The following ATF1 variants were observed in gnomAD, a reference collection of about 807,000 sequenced individuals.
The protein encoded by ATF1 is activating transcription factor 1.
In ATF1, 16 loss-of-function variants were observed where a neutral mutation model predicts 34.7. The ratio of observed to expected loss-of-function variants is 0.46; its 90% CI spans 0.31 to 0.70. The LOEUF (loss-of-function observed/expected upper bound fraction) is 0.70. Ranked by LOEUF, ATF1 falls within the 30% of genes least tolerant of loss-of-function variation. The probability of loss-of-function intolerance (pLI) is 0.05; values close to 1 mark genes in which losing one functional copy is unlikely to be tolerated. For synonymous variants in ATF1, 105 were observed against 113.1 expected, an observed-to-expected ratio of 0.93 and a Z score of 0.46; for missense variants, 255 against 321.6, an observed-to-expected ratio of 0.79 and a Z score of 1.58.
At chr12:50,815,121 C>CA (rs532857566) in intron 6 of ATF1, among the ~76,000 whole-genome samples, 49 of 147,374 alleles carry the variant, frequency 3.3e-4, no homozygotes, top group Middle Eastern at 3.5e-3. Context: ...GACTCTGTCT[C>CA]AAAAAAAAAA....
Position 50,783,845 on chromosome 12 carries a change from C to T in ATF1, c.93+3607C>T, listed in dbSNP as rs150655050. Among the ~76,000 whole-genome samples the T allele has an allele frequency of 5.3e-3, 721 of 135,652 alleles. 21 individuals are homozygous for T. The Admixed American group carries it at 0.053, about 10-fold the overall frequency. The allele number at this position is 135,652 out of a possible 152,430, so 89.0% of individuals were successfully genotyped here. Reference sequence around the variant, plus strand: ...TCATACCACTGTACTCCAGACTGGGCGACAGCGCAAAACTCCGTCTGAAAA... The same window carrying T: ...TCATACCACTGTACTCCAGACTGGGTGACAGCGCAAAACTCCGTCTGAAAA... On this transcript the variant is annotated intron_variant, in intron 2 of 6. Transcript: ENST00000262053.
At chr12:50,775,280 A>T (rs930556734) in intron 1 of ATF1, among the ~76,000 whole-genome samples, 3 of 151,852 alleles carry the variant, frequency 2.0e-5, no homozygotes, top group African/African-American at 4.8e-5. Flanking sequence ...TATTGTCTAA[A>T]ATGTTACTTG....
chr12:50,797,031 G>A (rs968853951), intron 3 of ATF1, among the ~76,000 whole-genome samples: 1 of 152,134 alleles, frequency 6.6e-6, no homozygotes, highest in East Asian at 1.9e-4. Flanking sequence ...GTTAATACCC[G>A]TAACTGAAGA....
intron 1 of ATF1, among the ~76,000 whole-genome samples, chr12:50,777,036 TAG>T (rs1382906433): frequency 6.6e-6 from 1 of 151,988 alleles, no homozygotes; most frequent in Non-Finnish European, 1.5e-5. Context: ...GTAATTTTAG[TAG>T]AGATGGGGTT....
intron 1 of ATF1, among the ~76,000 whole-genome samples, chr12:50,768,949 G>A (rs1396338889): frequency 6.6e-6 from 1 of 152,188 alleles, no homozygotes; most frequent in Non-Finnish European, 1.5e-5. Context: ...AGCTGTGCTG[G>A]AGAGTCAGCT....
chr12:50,808,102 G>A (rs1327072059), intron 3 of ATF1, among the ~76,000 whole-genome samples: 1 of 152,110 alleles, frequency 6.6e-6, no homozygotes. Flanking sequence ...CAGCCACTGT[G>A]CCCATCCCCA....
intron 4 of ATF1, among the ~76,000 whole-genome samples, chr12:50,812,953 C>T (rs1297179464): frequency 6.6e-6 from 1 of 152,116 alleles, no homozygotes; most frequent in Admixed American, 6.5e-5. Flanking sequence ...CCATCACACA[C>T]ATATACATAT....
chr12:50,814,312 C>A lies in ATF1; in HGVS notation c.544C>A (p.Arg182=). ...AGGAGATATGCAAACATATCAGATCCGAACTACACCTTCAGCTACTTCTCT... is the reference window on the plus strand; with the variant it reads ...AGGAGATATGCAAACATATCAGATCAGAACTACACCTTCAGCTACTTCTCT... ...ASGDMQTYQI[R]TTPSATSLPQ... Residue 182 remains arginine (R), a synonymous_variant, in exon 6 of 7, where the codon CGA becomes AGA. Coordinates refer to ENST00000262053, the MANE Select transcript of ATF1 (RefSeq NM_005171.5). 1.2e-6 allele frequency: 2 copies of A among 1,614,110 alleles called. No individual in the cohort carries two copies. The highest frequency in any genetic ancestry group is 1.1e-5 in the South Asian group (1 of 91,080).
chr12:50,810,362 C>T (rs551670378), intron 4 of ATF1, among the ~76,000 whole-genome samples: 14 of 151,574 alleles, frequency 9.2e-5, no homozygotes, highest in Middle Eastern at 3.4e-3. Flanking sequence ...GGATTACAGG[C>T]GTGTACCACT....
chr12:50,768,321 T>A (rs1299131631), intron 1 of ATF1, among the ~76,000 whole-genome samples: 2 of 152,242 alleles, frequency 1.3e-5, no homozygotes, highest in African/African-American at 4.8e-5. Flanking sequence ...CCTGGGAGGT[T>A]ACCTTTGATA....
chr12:50,789,511 C>A (rs532885008), intron 2 of ATF1, among the ~76,000 whole-genome samples: 1 of 152,124 alleles, frequency 6.6e-6, no homozygotes, highest in East Asian at 1.9e-4. Context: ...CACCTGTAAT[C>A]CTAGCACTTT....
chr12:50,764,892 G>C (rs566789569), intron 1 of ATF1, among the ~76,000 whole-genome samples: 1 of 152,358 alleles, frequency 6.6e-6, no homozygotes, highest in East Asian at 1.9e-4. Context: ...GAGACAGAGT[G>C]GGGACAGTAG....
intron 2 of ATF1, among the ~76,000 whole-genome samples, chr12:50,783,864 CTG>C (rs1491289823): frequency 6.7e-5 from 5 of 74,164 alleles, no homozygotes; most frequent in African/African-American, 2.7e-4. Context: ...AAAACTCCGT[CTG>C]AAAAAAAAAA....
chr12:50,810,513 G>A (rs1158084882), intron 4 of ATF1, among the ~76,000 whole-genome samples: 1 of 152,132 alleles, frequency 6.6e-6, no homozygotes, highest in East Asian at 1.9e-4. Context: ...GAGCCACCAC[G>A]CCTGGCCCCT....
intron 1 of ATF1, among the ~76,000 whole-genome samples, chr12:50,769,500 T>C (rs1940719981): frequency 1.3e-5 from 2 of 150,106 alleles, no homozygotes; most frequent in Non-Finnish European, 3.0e-5. Flanking sequence ...AGAGCGAGAC[T>C]CCATCTCAAA....
rs544798225 is a variant in ATF1, at chr12:50,820,597, T to C, written c.*818T>C. 127 of 178,684 alleles carry C rather than the reference T, an allele frequency of 7.1e-4. No individual in the cohort carries two copies. The highest frequency in any genetic ancestry group is 2.8e-3 in the African/African-American group (121 of 42,490). 11.1% of individuals were successfully genotyped at this position (178,684 alleles called of 1,614,324 possible). ...CATTACTTATTCTGCTGTGCTTTAATAGAATGGAATGTTTACAGGCCCTTA... is the reference window on the plus strand; with the variant it reads ...CATTACTTATTCTGCTGTGCTTTAACAGAATGGAATGTTTACAGGCCCTTA... On this transcript the variant is annotated 3_prime_UTR_variant, in exon 7 of 7. Transcript: ENST00000262053.
At chr12:50,780,260 A>C (rs1450756252) in intron 2 of ATF1, 22 bp downstream of exon 2, 1 of 1,526,342 alleles carries the variant, frequency 6.6e-7, no homozygotes, top group African/African-American at 1.4e-5. Context: ...ACTGGCCAAA[A>C]TACTGAGCTT....
At chr12:50,806,019 C>T (rs754634612) in intron 3 of ATF1, among the ~76,000 whole-genome samples, 4 of 152,002 alleles carry the variant, frequency 2.6e-5, no homozygotes, top group East Asian at 3.9e-4. Flanking sequence ...GGTGTGGTGG[C>T]GCACGCCTGT....
intron 1 of ATF1, among the ~76,000 whole-genome samples, chr12:50,772,293 T>G (rs971835011): frequency 3.3e-5 from 5 of 151,886 alleles, no homozygotes; most frequent in African/African-American, 4.8e-5. Context: ...TTTGCAAGTT[T>G]TGTTGTGCCT....
Sources: allele counts gnomAD v4.1 joint callset (sites outside exome capture counted in the v4.1 genomes callset), GRCh38; gene constraint gnomAD v4.1.1; transcripts MANE v1.5; gene names NCBI Gene and HGNC (gene_info 2026-07-23, HGNC 2026-07-21).